Variants in CACNB2 observed in about 807,000 individuals in gnomAD.
The protein encoded by CACNB2 is voltage-dependent L-type calcium channel subunit beta-2.
A neutral mutation model predicts 73.3 loss-of-function variants in CACNB2; 42 were observed. That is an observed-to-expected ratio of 0.57 (90% CI 0.45 to 0.74). CACNB2 has a LOEUF of 0.74. Ranked by LOEUF, CACNB2 falls within the 30% of genes least tolerant of loss-of-function variation. The pLI, the probability that CACNB2 is intolerant of heterozygous loss-of-function variation, is 0.00. For synonymous variants in CACNB2, 348 were observed against 310.3 expected, an observed-to-expected ratio of 1.12 and a Z score of -1.28; for missense variants, 940 against 853.0, an observed-to-expected ratio of 1.10 and a Z score of -1.27.
intron 2 of CACNB2, among the ~76,000 whole-genome samples, chr10:18,385,175 C>G: frequency 6.6e-6 from 1 of 151,612 alleles, no homozygotes; most frequent in East Asian, 1.9e-4. Flanking sequence ...CCCAGGTACT[C>G]GAGAGGCTGA....
rs1269827771 is a variant in CACNB2, at chr10:18,164,763, G to GGACTTGGA, written c.213+13790_213+13797dup. Reference sequence around the variant, plus strand: ...AAGCAGAAGAATAACTCTGGATTTAGGACTTGGAGGTGTCTACATTTTATT... The same window carrying GGACTTGGA: ...AAGCAGAAGAATAACTCTGGATTTAGGACTTGGAGACTTGGAGGTGTCTACATTTTATT... On this transcript the variant is annotated intron_variant, in intron 2 of 13. Coordinates refer to ENST00000324631, the MANE Select transcript of CACNB2 (RefSeq NM_201596.3). Among the ~76,000 whole-genome samples the GGACTTGGA allele has an allele frequency of 2.6e-5, 4 of 151,992 alleles. 1 individual carries two copies. Among genetic ancestry groups the GGACTTGGA allele is most frequent in the Admixed American group, 2.6e-4 (4 of 15,236 alleles).
intron 3 of CACNB2, among the ~76,000 whole-genome samples, chr10:18,492,222 C>T (rs113042155): frequency 0.031 from 4,659 of 152,216 alleles, 156 homozygotes; most frequent in South Asian, 0.15. Flanking sequence ...CAATCACCTC[C>T]TACCAGGCCC....
At chr10:18,228,443 A>AAAAAAAAAAAG (rs1223886177) in intron 2 of CACNB2, among the ~76,000 whole-genome samples, 2 of 149,478 alleles carry the variant, frequency 1.3e-5, no homozygotes, top group Non-Finnish European at 3.0e-5. Context: ...CAAAAAAAAA[A>AAAAAAAAAAAG]AAAAAAGAAA....
At chr10:18,147,887 C>T (rs1564293812) in intron 1 of CACNB2, among the ~76,000 whole-genome samples, 1 of 151,920 alleles carries the variant, frequency 6.6e-6, no homozygotes, top group Admixed American at 6.6e-5. Flanking sequence ...ATCTTTCGAG[C>T]AAGATGGACT....
intron 3 of CACNB2, among the ~76,000 whole-genome samples, chr10:18,453,795 A>G (rs374775845): frequency 5.0e-4 from 76 of 152,022 alleles, no homozygotes; most frequent in Non-Finnish European, 9.6e-4. Context: ...ATGCCTGGCT[A>G]ATTTTTTGTA....
rs567498851 is a variant in CACNB2 at position 18,175,553 on chromosome 10, C to T, written c.213+24578C>T. On this transcript the variant is annotated intron_variant, in intron 2 of 13. Coordinates refer to ENST00000324631, the MANE Select transcript of CACNB2 (RefSeq NM_201596.3). ...TCTTTGTCTTTCACACACACACCCACTGCCAGGGATACAGGGCTCCAGTCT... is the reference window on the plus strand; with the variant it reads ...TCTTTGTCTTTCACACACACACCCATTGCCAGGGATACAGGGCTCCAGTCT... Among the ~76,000 whole-genome samples the T allele has an allele frequency of 3.3e-5, 5 of 152,296 alleles. No individual in the cohort carries two copies. The South Asian group carries it at 1.0e-3, about 32-fold the overall frequency.
chr10:18,177,209 C>G (rs1231280014), intron 2 of CACNB2, among the ~76,000 whole-genome samples: 3 of 152,116 alleles, frequency 2.0e-5, no homozygotes. Context: ...AGATCTCAAT[C>G]CATCAGAAGT....
At chr10:18,423,085 G>C (rs1408046471) in intron 3 of CACNB2, among the ~76,000 whole-genome samples, 13 of 152,168 alleles carry the variant, frequency 8.5e-5, no homozygotes. Flanking sequence ...GGAAGTGTGT[G>C]AATGGAATCC....
intron 2 of CACNB2, among the ~76,000 whole-genome samples, chr10:18,233,196 T>C (rs527451156): frequency 1.3e-5 from 2 of 152,266 alleles, no homozygotes; most frequent in South Asian, 4.2e-4. Context: ...TAAGTCCAGG[T>C]ATCATATTAG....
Position 18,371,253 on chromosome 10 carries a change from C to T in CACNB2, c.214-30671C>T, listed in dbSNP as rs187975725. Reference sequence around the variant, plus strand: ...TAAGTTTTAGGGTACATGTACACAACGTGCAGGTTTGTTACATATGTATAC... The same window carrying T: ...TAAGTTTTAGGGTACATGTACACAATGTGCAGGTTTGTTACATATGTATAC... On this transcript the variant is annotated intron_variant, in intron 2 of 13. Coordinates refer to ENST00000324631, the MANE Select transcript of CACNB2 (RefSeq NM_201596.3). Among the ~76,000 whole-genome samples, 298 of 151,928 alleles carry T rather than the reference C, an allele frequency of 2.0e-3. 3 individuals are homozygous for T. Among genetic ancestry groups the T allele is most frequent in the East Asian group, 9.5e-3 (49 of 5,170 alleles).
Position 18,237,400 on chromosome 10 carries a change from C to T in CACNB2, c.213+86425C>T, listed in dbSNP as rs76715320. 7.5e-3 allele frequency among the ~76,000 whole-genome samples: 1,146 copies of T among 152,218 alleles called. 21 individuals carry two copies. Among genetic ancestry groups the T allele is most frequent in the African/African-American group, 0.026 (1,076 of 41,528 alleles). ...ATACACAGAGAGAAAAGATGGTCAT[C>T]CAAAGGTGGAGGCAGAGATGGGGCA... On this transcript the variant is annotated intron_variant, in intron 2 of 13. Coordinates refer to ENST00000324631, the MANE Select transcript of CACNB2 (RefSeq NM_201596.3).
chr10:18,302,622 T>C (rs2039569254), intron 2 of CACNB2, among the ~76,000 whole-genome samples: 1 of 152,192 alleles, frequency 6.6e-6, no homozygotes, highest in Admixed American at 6.5e-5. Context: ...TATATTCATA[T>C]GTTCTCAACC....
chr10:18,527,811 G>A, intron 10 of CACNB2, 114 bp downstream of exon 10: 1 of 746,344 alleles, frequency 1.3e-6, no homozygotes, highest in Non-Finnish European at 2.4e-6. Flanking sequence ...AAAAACAGGT[G>A]TGTGCTGCCA....
chr10:18,433,841 T>G (rs2046002922), intron 3 of CACNB2, among the ~76,000 whole-genome samples: 4 of 151,996 alleles, frequency 2.6e-5, no homozygotes, highest in Admixed American at 2.6e-4. Flanking sequence ...AATCCTTTTT[T>G]CTACCATCAA....
At chr10:18,270,716 G>A (rs781192798) in intron 2 of CACNB2, among the ~76,000 whole-genome samples, 2 of 151,970 alleles carry the variant, frequency 1.3e-5, no homozygotes, top group African/African-American at 2.4e-5. Context: ...CCCTGGTCTC[G>A]GTTAGGTATC....
chr10:18,511,537 A>G (rs1396654410), intron 6 of CACNB2, among the ~76,000 whole-genome samples: 2 of 152,222 alleles, frequency 1.3e-5, no homozygotes, highest in African/African-American at 4.8e-5. Flanking sequence ...TGTAACACCA[A>G]GTTGTCTGTT....
At chr10:18,532,614 T>C (rs903334066) in intron 10 of CACNB2, among the ~76,000 whole-genome samples, 2 of 146,530 alleles carry the variant, frequency 1.4e-5, no homozygotes, top group South Asian at 2.1e-4. Context: ...GTGGAGGAGA[T>C]TGTGGTGAGC....
intron 2 of CACNB2, among the ~76,000 whole-genome samples, chr10:18,175,710 G>A (rs1364325791): frequency 2.0e-5 from 3 of 152,146 alleles, no homozygotes; most frequent in African/African-American, 7.2e-5. Context: ...CTATTCTCCT[G>A]CCTCAGCCTC....
chr10:18,334,318 C>T (rs1030728889), intron 2 of CACNB2, among the ~76,000 whole-genome samples: 3 of 152,118 alleles, frequency 2.0e-5, no homozygotes, highest in Non-Finnish European at 2.9e-5. Flanking sequence ...CGTCTGTGCG[C>T]TTCTCCCAGA....
Sources: allele counts gnomAD v4.1 joint callset (sites outside exome capture counted in the v4.1 genomes callset), GRCh38; gene constraint gnomAD v4.1.1; transcripts MANE v1.5; gene names NCBI Gene and HGNC (gene_info 2026-07-23, HGNC 2026-07-21).